The following ATP1A3 variants were observed in gnomAD, a reference collection of about 807,000 sequenced individuals.
The protein encoded by ATP1A3 is sodium/potassium-transporting ATPase subunit alpha-3.
In ATP1A3, 12 loss-of-function variants were observed where a neutral mutation model predicts 108.8. The ratio of observed to expected loss-of-function variants is 0.11; its 90% confidence interval spans 0.07 to 0.18. The LOEUF is 0.18. ATP1A3 is among the 10% of genes least tolerant of loss of function. ATP1A3 has a pLI of 1.00. For missense variants in ATP1A3, 498 were observed against 1,387.7 expected, an observed-to-expected ratio of 0.36 and a Z score of 10.19; for synonymous variants, 539 against 564.5, an observed-to-expected ratio of 0.95 and a Z score of 0.64.
chr19:41,993,436 G>A, intron 1 of ATP1A3: 1 of 1,534,604 alleles, frequency 6.5e-7, no homozygotes. Flanking sequence ...TCCCATGCCT[G>A]CTCCCCTACA....
chr19:41,976,092 G>A (rs1300598490), intron 15 of ATP1A3, among the ~76,000 whole-genome samples: 3 of 137,662 alleles, frequency 2.2e-5, no homozygotes, highest in South Asian at 2.4e-4. Context: ...CAGACCCAGG[G>A]GTCCAGGCCC....
intron 16 of ATP1A3, 112 bp downstream of exon 16, chr19:41,975,517 G>A: frequency 2.0e-6 from 3 of 1,475,896 alleles, no homozygotes; most frequent in Middle Eastern, 2.4e-4. Context: ...CCAGGGCCAG[G>A]GGGCCTGTGG....
chr19:41,980,802 T>C (rs1243524715), intron 11 of ATP1A3, among the ~76,000 whole-genome samples: 2 of 151,748 alleles, frequency 1.3e-5, no homozygotes, highest in Non-Finnish European at 2.9e-5. Context: ...TCCCAGCTAT[T>C]CTGGAGGCTG....
intron 16 of ATP1A3, among the ~76,000 whole-genome samples, chr19:41,972,735 A>G (rs1266307202): frequency 1.4e-5 from 2 of 143,322 alleles, no homozygotes; most frequent in Non-Finnish European, 1.5e-5. Context: ...ACTGCACTCC[A>G]GCCTGGCAAC....
chr19:41,969,379 C>A, intron 19 of ATP1A3, 56 bp downstream of exon 19: 1 of 1,613,422 alleles, frequency 6.2e-7, no homozygotes, highest in Non-Finnish European at 8.5e-7. Flanking sequence ...ATGGCTGGAA[C>A]AGCTCACCCC....
chr19:41,972,858 GAAAGA>G, intron 16 of ATP1A3, among the ~76,000 whole-genome samples: 3 of 127,370 alleles, frequency 2.4e-5, no homozygotes, highest in African/African-American at 9.2e-5. Context: ...AGGAAGGAAG[GAAAGA>G]AGGAAGGAAG....
chr19:41,980,708 G>A (rs1175229155), intron 11 of ATP1A3, among the ~76,000 whole-genome samples: 9 of 151,988 alleles, frequency 5.9e-5, no homozygotes, highest in Non-Finnish European at 1.5e-5. Context: ...TCAGGAGATC[G>A]AGACCATCCT....
chr19:41,981,977 G>T lies in ATP1A3; in HGVS notation c.1123C>A (p.Arg375Ser). 1 of 1,614,230 alleles carries T rather than the reference G, an allele frequency of 6.2e-7. No homozygotes were observed. Among genetic ancestry groups the T allele is most frequent in the Non-Finnish European group, 8.5e-7 (1 of 1,180,042 alleles). ...AACCACATGTGGGCGACTGTCATGC[G>T]GTTCTGAGTGAGGGTCCCTGTCTTA... ...SDKTGTLTQN[R>S]MTVAHMWFDN... is the part of the protein sequence containing the mutation. The change falls in exon 9 of 23, where the codon CGC (arginine) becomes AGC (serine). Residue 375 changes from arginine (R) to serine (S), a missense_variant. Around this residue, in one of 9 missense-constraint regions of ATP1A3, gnomAD observed 127 missense variants for 464.0 expected, o/e 0.27. Coordinates refer to ENST00000648268, the MANE Select transcript of ATP1A3 (RefSeq NM_152296.5). This position sits in a 1 kb window ranked among gnomAD's most constrained non-coding sequence, Gnocchi z 5.0.
chr19:41,988,448 G>A lies in ATP1A3; in HGVS notation c.93+28C>T, dbSNP rs782016226. ...CAAGAACTGGCGAGGTTCTCTGGGA[G>A]GGTGTGCGGGCAGAGGGCGAGGCTT... On this transcript the variant is annotated intron_variant, in intron 2 of 22. Coordinates refer to ENST00000648268, the MANE Select transcript of ATP1A3 (RefSeq NM_152296.5). The surrounding 1 kb of genome is among the most constrained non-coding windows in gnomAD (Gnocchi z 5.3). The A allele has an allele frequency of 2.1e-5, 34 of 1,614,226 alleles. No homozygotes were observed. The South Asian group carries it at 3.3e-4, about 16-fold the overall frequency.
In ATP1A3 at chr19:41,970,320, A is replaced by G; in HGVS notation, c.2419-12T>C. 3 of 1,613,870 alleles carry G rather than the reference A, an allele frequency of 1.9e-6. No individual in the cohort carries two copies. Among genetic ancestry groups the G allele is most frequent in the Non-Finnish European group, 1.7e-6 (2 of 1,179,962 alleles). On this transcript the variant is annotated splice_polypyrimidine_tract_variant and intron_variant, in intron 17 of 22. Transcript: ENST00000648268. ...GAGATGGCAGGGACCTAGGCGGAGG[A>G]GGCCGGGTGAGCCGGAGAGGGGAGG...
Position 41,978,217 on chromosome 19 carries a change from G to T in ATP1A3, c.1740C>A (p.Ser580=), listed in dbSNP as rs944271704. 6.2e-7 allele frequency: 1 copy of T among 1,614,212 alleles called. No homozygotes were observed. The highest frequency in any genetic ancestry group is 2.2e-5 in the East Asian group (1 of 44,884). The part of the protein sequence containing the change: ...TDNLCFVGLM[S]MIDPPRAAVP... ...CGGCTGCCCGGGGTGGGTCGATCAT[G>T]GACATGAGGCCCACAAAGCAGAGGT... The change falls in exon 13 of 23, where the codon TCC becomes TCA. Residue 580 remains serine, a synonymous_variant. Transcript: ENST00000648268. This position sits in a 1 kb window ranked among gnomAD's most constrained non-coding sequence, Gnocchi z 8.3.
chr19:41,969,394 A>T (rs2075078111), intron 19 of ATP1A3, 41 bp downstream of exon 19: 1 of 1,613,634 alleles, frequency 6.2e-7, no homozygotes, highest in African/African-American at 1.3e-5. Context: ...CACCCCGGGG[A>T]TCTTACGGTG....
intron 11 of ATP1A3, among the ~76,000 whole-genome samples, chr19:41,979,587 G>A (rs1266855551): frequency 2.6e-5 from 4 of 151,824 alleles, no homozygotes; most frequent in African/African-American, 4.8e-5. Flanking sequence ...GATTACAGGC[G>A]TGAGCCACCA....
At position 41,968,953 on chromosome 19, in the gene ATP1A3, G is replaced by A; in HGVS notation, c.2689-38C>T. ...TGACCAGGGCACGGGACGTCAGTTA[G>A]TGGCACTGCAGCCCTAGCCGCCACC... On this transcript the variant is annotated intron_variant, in intron 19 of 22. Transcript: ENST00000648268. This position sits in a 1 kb window ranked among gnomAD's most constrained non-coding sequence, Gnocchi z 5.0. 1.2e-6 allele frequency: 2 copies of A among 1,613,088 alleles called. No individual in the cohort carries two copies. Among genetic ancestry groups the A allele is most frequent in the Non-Finnish European group, 1.7e-6 (2 of 1,179,442 alleles).
chr19:41,973,858 G>C (rs1031230103), intron 16 of ATP1A3, among the ~76,000 whole-genome samples: 1 of 152,100 alleles, frequency 6.6e-6, no homozygotes, highest in Admixed American at 6.6e-5. Context: ...AGATGTCTTG[G>C]GGAGGCCAGG....
intron 1 of ATP1A3, among the ~76,000 whole-genome samples, chr19:41,989,654 C>T (rs1193642866): frequency 6.6e-6 from 1 of 152,110 alleles, no homozygotes; most frequent in Non-Finnish European, 1.5e-5. Context: ...ACGTGTATCT[C>T]CATCTCTTTC....
Position 41,985,890 on chromosome 19 carries a change from G to C in ATP1A3, c.580C>G (p.Arg194Gly), listed in dbSNP as rs1246646193. 6.2e-7 allele frequency: 1 copy of C among 1,614,086 alleles called. No individual in the cohort carries two copies. Among genetic ancestry groups the C allele is most frequent in the Non-Finnish European group, 8.5e-7 (1 of 1,179,992 alleles). The part of the protein sequence containing the change: ...KGGDRVPADL[R>G]IISAHGCKVD... Reference sequence around the variant, plus strand: ...TTGCAGCCGTGGGCTGAGATGATCCGCAGGTCAGCTGGCACTCGGTCTCCA... The same window carrying C: ...TTGCAGCCGTGGGCTGAGATGATCCCCAGGTCAGCTGGCACTCGGTCTCCA... Residue 194 changes from arginine to glycine, a missense_variant, in exon 6 of 23, where the codon CGG (arginine) becomes GGG (glycine). Around this residue, in one of 9 missense-constraint regions of ATP1A3, gnomAD observed 127 missense variants for 464.0 expected, o/e 0.27. Transcript: ENST00000648268. This position sits in a 1 kb window ranked among gnomAD's most constrained non-coding sequence, Gnocchi z 8.2.
Position 41,981,402 on chromosome 19 carries a change from C to A in ATP1A3, c.1437+100G>T. 6.3e-7 allele frequency: 1 copy of A among 1,582,742 alleles called. No homozygotes were observed. The highest frequency in any genetic ancestry group is 8.7e-7 in the Non-Finnish European group (1 of 1,154,304). On this transcript the variant is annotated intron_variant, in intron 11 of 22. Coordinates refer to ENST00000648268, the MANE Select transcript of ATP1A3 (RefSeq NM_152296.5). The surrounding 1 kb of genome is among the most constrained non-coding windows in gnomAD (Gnocchi z 5.0). ...CCCCACCAGGCGGGTATTATCATTC[C>A]CATTTTACAGACGGGAAAATCAAGG...
Position 41,978,440 on chromosome 19 carries a change from C to G in ATP1A3, c.1631-114G>C. ...TCTCCCCATCAGCAAGACGGCCAGT[C>G]AGCATTCATTTCCTAGGATACCTTC... On this transcript the variant is annotated intron_variant, in intron 12 of 22. Coordinates refer to ENST00000648268, the MANE Select transcript of ATP1A3 (RefSeq NM_152296.5). The surrounding 1 kb of genome is among the most constrained non-coding windows in gnomAD (Gnocchi z 8.3). The G allele has an allele frequency of 6.8e-7, 1 of 1,473,250 alleles. No individual in the cohort carries two copies. The allele number at this position is 1,473,250 out of a possible 1,614,324, so 91.3% of individuals were successfully genotyped here.
Sources: allele counts gnomAD v4.1 joint callset (sites outside exome capture counted in the v4.1 genomes callset), GRCh38; gene constraint gnomAD v4.1.1; regional missense constraint gnomAD v4.1.1; non-coding constraint Gnocchi (gnomAD v3.1); transcripts MANE v1.5; gene names NCBI Gene and HGNC (gene_info 2026-07-23, HGNC 2026-07-21).